Variants in NXPE2 observed in about 807,000 individuals in gnomAD.
NXPE2 encodes the protein NXPE family member 2.
In NXPE2, 34 loss-of-function variants were observed where a neutral mutation model predicts 34.4. That is an observed-to-expected ratio of 0.99 (90% CI 0.75 to 1.31). NXPE2 has a LOEUF of 1.31. Ranked by LOEUF, NXPE2 falls within the 40% of genes most tolerant of loss-of-function variation. The pLI is 0.00. For missense variants in NXPE2, 649 were observed against 672.5 expected, an observed-to-expected ratio of 0.97 and a Z score of 0.39; for synonymous variants, 235 against 231.3, an observed-to-expected ratio of 1.02 and a Z score of -0.15.
chr11:114,595,284 G>A, the NXPE2 span, among the ~76,000 whole-genome samples: 1 of 152,026 alleles, frequency 6.6e-6, no homozygotes, highest in Non-Finnish European at 1.5e-5. Flanking sequence ...AGCTTGAAAA[G>A]AATTATTTTA....
At chr11:114,622,337 C>T in the NXPE2 span, among the ~76,000 whole-genome samples, 1 of 147,886 alleles carries the variant, frequency 6.8e-6, no homozygotes, top group Non-Finnish European at 1.5e-5. Flanking sequence ...CCCAATGCAT[C>T]ATAAGTGTTG....
At chr11:114,723,936 G>A in the NXPE2 span, among the ~76,000 whole-genome samples, 1 of 152,092 alleles carries the variant, frequency 6.6e-6, no homozygotes, top group Non-Finnish European at 1.5e-5. Flanking sequence ...CTCCTATTTT[G>A]CTTCAAGTTC....
chr11:114,676,198 A>G (rs1271284050), upstream of NXPE2, among the ~76,000 whole-genome samples: 2 of 151,934 alleles, frequency 1.3e-5, no homozygotes, highest in African/African-American at 4.8e-5. Context: ...ATGGTCACTG[A>G]GGTTTTTTTG....
At chr11:114,697,390 A>T (rs564299038) in intron 2 of NXPE2, among the ~76,000 whole-genome samples, 35 of 152,356 alleles carry the variant, frequency 2.3e-4, no homozygotes, top group African/African-American at 7.9e-4. Context: ...CATGTATGGA[A>T]TATATTCTTT....
the NXPE2 span, among the ~76,000 whole-genome samples, chr11:114,534,638 G>A: frequency 2.8e-4 from 42 of 152,304 alleles, no homozygotes; most frequent in South Asian, 2.3e-3. Flanking sequence ...CGTGACAAAT[G>A]CACAAGCTTC....
chr11:114,490,740 A>G, the NXPE2 span, among the ~76,000 whole-genome samples: 1 of 152,268 alleles, frequency 6.6e-6, no homozygotes, highest in Non-Finnish European at 1.5e-5. Flanking sequence ...ACCTAAAACC[A>G]TAAAAACCCT....
chr11:114,621,940 C>A, the NXPE2 span, among the ~76,000 whole-genome samples: 1 of 151,936 alleles, frequency 6.6e-6, no homozygotes, highest in South Asian at 2.1e-4. Flanking sequence ...TCATGGGTAA[C>A]ACCTGTTACC....
At chr11:114,696,455 A>G (rs1951259489) in intron 2 of NXPE2, among the ~76,000 whole-genome samples, 1 of 152,118 alleles carries the variant, frequency 6.6e-6, no homozygotes, top group African/African-American at 2.4e-5. Flanking sequence ...TAGATATACC[A>G]TGCAAATCCT....
At chr11:114,771,251 T>C in the NXPE2 span, among the ~76,000 whole-genome samples, 2 of 151,318 alleles carry the variant, frequency 1.3e-5, no homozygotes, top group African/African-American at 4.9e-5. Flanking sequence ...CCAGAAACTT[T>C]CCCTCAGGGC....
At chr11:114,481,246 C>T in the NXPE2 span, among the ~76,000 whole-genome samples, 1 of 152,100 alleles carries the variant, frequency 6.6e-6, no homozygotes, top group Non-Finnish European at 1.5e-5. Flanking sequence ...GATCAGAGAG[C>T]TTTGATTGGT....
At chr11:114,509,969 G>A in the NXPE2 span, among the ~76,000 whole-genome samples, 1 of 152,054 alleles carries the variant, frequency 6.6e-6, no homozygotes, top group African/African-American at 2.4e-5. Context: ...CCTACCCAAA[G>A]TCATGTTATA....
the NXPE2 span, among the ~76,000 whole-genome samples, chr11:114,594,375 T>G: frequency 5.3e-5 from 8 of 152,208 alleles, no homozygotes; most frequent in South Asian, 2.1e-4. Flanking sequence ...ATAGATATTC[T>G]GTTCTTCAGA....
chr11:114,719,171 G>A, the NXPE2 span, among the ~76,000 whole-genome samples: 6 of 152,138 alleles, frequency 3.9e-5, no homozygotes, highest in South Asian at 2.1e-4. Context: ...GTTAGATGTC[G>A]TGTAGTCAGT....
chr11:114,724,233 A>G, the NXPE2 span, among the ~76,000 whole-genome samples: 1 of 152,100 alleles, frequency 6.6e-6, no homozygotes, highest in East Asian at 1.9e-4. Context: ...GGTCTGTACA[A>G]TTCTTCCACC....
At chr11:114,566,081 C>A in the NXPE2 span, among the ~76,000 whole-genome samples, 1 of 152,138 alleles carries the variant, frequency 6.6e-6, no homozygotes, top group African/African-American at 2.4e-5. Flanking sequence ...ATCAAGAATT[C>A]TACTTTGATC....
the NXPE2 span, among the ~76,000 whole-genome samples, chr11:114,769,486 A>G: frequency 6.6e-6 from 1 of 152,224 alleles, no homozygotes; most frequent in African/African-American, 2.4e-5. Context: ...ATTATAAATC[A>G]TTCTACTATA....
chr11:114,614,127 C>A, the NXPE2 span, among the ~76,000 whole-genome samples: 1 of 151,678 alleles, frequency 6.6e-6, no homozygotes. Context: ...ACCAGTGTTA[C>A]CTGCTGGATA....
the NXPE2 span, among the ~76,000 whole-genome samples, chr11:114,812,901 G>C: frequency 6.7e-6 from 1 of 149,790 alleles, no homozygotes; most frequent in African/African-American, 2.5e-5. Context: ...CCTCACACTT[G>C]AGATCTGAAA....
the NXPE2 span, among the ~76,000 whole-genome samples, chr11:114,735,720 A>G: frequency 2.9e-4 from 44 of 152,286 alleles, no homozygotes; most frequent in African/African-American, 9.6e-4. Flanking sequence ...GTGGTCATAT[A>G]TAGTAGGAAA....
Sources: allele counts gnomAD v4.1 joint callset (sites outside exome capture counted in the v4.1 genomes callset), GRCh38; gene constraint gnomAD v4.1.1; transcripts MANE v1.5; gene names NCBI Gene and HGNC (gene_info 2026-07-23, HGNC 2026-07-21).